Variants in TASP1 observed in about 807,000 individuals in gnomAD.
The protein encoded by TASP1 is taspase 1.
TASP1 carries 16 observed loss-of-function variants against 56.6 expected under a neutral mutation model. That is an observed-to-expected ratio of 0.28 (90% confidence interval 0.19 to 0.43). The LOEUF (loss-of-function observed/expected upper bound fraction) is 0.43, where lower values mean the gene tolerates loss of function less well. Ranked by LOEUF, TASP1 falls within the 20% of genes least tolerant of loss-of-function variation. The probability of loss-of-function intolerance (pLI) is 1.00; values close to 1 mark genes in which losing one functional copy is unlikely to be tolerated. For synonymous variants in TASP1, 179 were observed against 184.2 expected (o/e 0.97, Z 0.23); for missense variants, 393 against 511.6 (o/e 0.77, Z 2.24).
intron 4 of TASP1, among the ~76,000 whole-genome samples, chr20:13,609,380 G>A (rs1414586371): frequency 6.6e-6 from 1 of 152,046 alleles, no homozygotes; most frequent in East Asian, 1.9e-4. Context: ...ATGGAAAAAG[G>A]TTCAACAAAA....
the TASP1 span, among the ~76,000 whole-genome samples, chr20:13,328,933 G>A: frequency 6.6e-6 from 1 of 151,978 alleles, no homozygotes. Context: ...TGCACATCCT[G>A]CACATGCACC....
the TASP1 span, among the ~76,000 whole-genome samples, chr20:13,290,446 G>A: frequency 6.6e-6 from 1 of 152,140 alleles, no homozygotes; most frequent in Admixed American, 6.5e-5. Context: ...TCAGGAGATC[G>A]AGACCATCCT....
the TASP1 span, among the ~76,000 whole-genome samples, chr20:13,208,152 C>G: frequency 2.6e-5 from 4 of 152,094 alleles, no homozygotes; most frequent in Non-Finnish European, 5.9e-5. Flanking sequence ...AAGTATTATG[C>G]GTCAACTTCC....
At chr20:13,313,446 C>T in the TASP1 span, among the ~76,000 whole-genome samples, 3 of 152,298 alleles carry the variant, frequency 2.0e-5, no homozygotes, top group South Asian at 4.1e-4. Flanking sequence ...AAGGTAAACA[C>T]GGAGCCGTAG....
At chr20:13,370,318 T>TA in the TASP1 span, among the ~76,000 whole-genome samples, 1 of 151,984 alleles carries the variant, frequency 6.6e-6, no homozygotes, top group Non-Finnish European at 1.5e-5. Flanking sequence ...GGTAAACCAA[T>TA]AAAAACAAAA....
chr20:13,285,754 C>T, the TASP1 span, among the ~76,000 whole-genome samples: 1 of 152,208 alleles, frequency 6.6e-6, no homozygotes, highest in Non-Finnish European at 1.5e-5. Flanking sequence ...ACAATATTAA[C>T]ATTTAATAAT....
At chr20:13,225,012 AT>A in the TASP1 span, among the ~76,000 whole-genome samples, 231 of 137,580 alleles carry the variant, frequency 1.7e-3, no homozygotes, top group Admixed American at 1.9e-3. Context: ...CGCCCGGCTA[AT>A]TTTTTTTTTT....
chr20:13,314,580 T>C, the TASP1 span, among the ~76,000 whole-genome samples: 1 of 151,518 alleles, frequency 6.6e-6, no homozygotes, highest in Non-Finnish European at 1.5e-5. Context: ...CAAACAAAAA[T>C]GGATGGAATT....
the TASP1 span, among the ~76,000 whole-genome samples, chr20:13,275,667 G>A: frequency 2.0e-5 from 3 of 152,208 alleles, no homozygotes; most frequent in East Asian, 5.8e-4. Context: ...ATATATAAGT[G>A]TGATTATCTG....
At chr20:13,597,014 C>T (rs1316110812) in intron 4 of TASP1, among the ~76,000 whole-genome samples, 1 of 152,188 alleles carries the variant, frequency 6.6e-6, no homozygotes, top group East Asian at 1.9e-4. Flanking sequence ...AGACCAATAA[C>T]AGGCTCTGAA....
the TASP1 span, among the ~76,000 whole-genome samples, chr20:13,149,613 G>A: frequency 7.2e-5 from 11 of 152,362 alleles, no homozygotes; most frequent in Middle Eastern, 3.4e-3. Context: ...CAACCACAAA[G>A]TGTGTCATAA....
chr20:13,112,278 C>T, the TASP1 span, among the ~76,000 whole-genome samples: 2 of 152,188 alleles, frequency 1.3e-5, no homozygotes, highest in Non-Finnish European at 2.9e-5. Flanking sequence ...ATCTGGCCCT[C>T]GGTACTGGCT....
chr20:13,399,109 T>C (rs1329359917), intron 13 of TASP1, among the ~76,000 whole-genome samples: 1 of 152,122 alleles, frequency 6.6e-6, no homozygotes, highest in African/African-American at 2.4e-5. Context: ...AAACACCCTT[T>C]TCCCTTGTTT....
rs949294408 is a variant in TASP1 at position 13,539,831 on chromosome 20, C to G, written c.676-5690G>C. Among the ~76,000 whole-genome samples the G allele has an allele frequency of 5.9e-5, 9 of 152,226 alleles. No homozygotes were observed. In the East Asian group the frequency reaches 1.7e-3, roughly 29 times the overall value. Reference sequence around the variant, plus strand: ...TTTGCAACATTAAAGGTGGAAAAGGCAACAGTTTTCATCTTGGTTTTTAAG... The same window carrying G: ...TTTGCAACATTAAAGGTGGAAAAGGGAACAGTTTTCATCTTGGTTTTTAAG... On this transcript the variant is annotated intron_variant, in intron 8 of 13. Coordinates refer to ENST00000337743, the MANE Select transcript of TASP1 (RefSeq NM_017714.3).
the TASP1 span, among the ~76,000 whole-genome samples, chr20:13,244,767 A>C: frequency 6.6e-6 from 1 of 152,340 alleles, no homozygotes; most frequent in East Asian, 1.9e-4. Flanking sequence ...CCTATGCACA[A>C]GTCAAAAGTG....
At chr20:13,499,076 A>G (rs2043845963) in intron 10 of TASP1, among the ~76,000 whole-genome samples, 1 of 152,204 alleles carries the variant, frequency 6.6e-6, no homozygotes, top group South Asian at 2.1e-4. Context: ...GGTGCATATT[A>G]ATGGTGGATT....
At chr20:13,178,720 G>A in the TASP1 span, among the ~76,000 whole-genome samples, 3 of 151,114 alleles carry the variant, frequency 2.0e-5, no homozygotes, top group African/African-American at 7.3e-5. Flanking sequence ...TCTTATAGAA[G>A]TAAAAAGTAA....
At chr20:13,425,180 T>C (rs1469088593) in intron 12 of TASP1, among the ~76,000 whole-genome samples, 2 of 152,212 alleles carry the variant, frequency 1.3e-5, no homozygotes, top group Non-Finnish European at 2.9e-5. Context: ...AGCTCTGCTA[T>C]ATAAAGCAGC....
the TASP1 span, chr20:13,160,048 C>G: frequency 6.2e-7 from 1 of 1,612,700 alleles, no homozygotes; most frequent in Non-Finnish European, 8.5e-7. Flanking sequence ...GAGTGGTGGT[C>G]GTGGGATTTC....
Sources: gnomAD v4.1 joint callset for allele counts (sites outside exome capture counted in the v4.1 genomes callset) on GRCh38, gnomAD v4.1.1 for gene constraint, MANE v1.5 for transcripts, NCBI Gene and HGNC (gene_info 2026-07-23, HGNC 2026-07-21) for gene names.